DIS3L2: variants seen among roughly 807,000 people sequenced by gnomAD.
The protein encoded by DIS3L2 is DIS3 like 3'-5' exoribonuclease 2, also known as DIS3-like exonuclease 2.
Under a neutral mutation model 97.5 loss-of-function variants are expected in DIS3L2, and 34 were observed. That is an observed-to-expected ratio of 0.35 (90% CI 0.27 to 0.46). The LOEUF (loss-of-function observed/expected upper bound fraction) is 0.46. Ranked by LOEUF, DIS3L2 falls within the 20% of genes least tolerant of loss-of-function variation. The probability of loss-of-function intolerance (pLI) is 1.00; values close to 1 mark genes in which losing one functional copy is unlikely to be tolerated. For missense variants in DIS3L2, 1,038 were observed against 1,146.0 expected, an observed-to-expected ratio of 0.91 and a Z score of 1.36; for synonymous variants, 435 against 445.2, an observed-to-expected ratio of 0.98 and a Z score of 0.29.
intron 1 of DIS3L2, among the ~76,000 whole-genome samples, chr2:231,966,010 GTT>G (rs1392062000): frequency 2.0e-5 from 3 of 152,106 alleles, no homozygotes; most frequent in Non-Finnish European, 4.4e-5. Flanking sequence ...CCTTCAAAAA[GTT>G]TTTGTTTTAC....
At chr2:232,010,669 G>A (rs1416122240) in intron 1 of DIS3L2, among the ~76,000 whole-genome samples, 1 of 151,652 alleles carries the variant, frequency 6.6e-6, no homozygotes, top group Non-Finnish European at 1.5e-5. Flanking sequence ...CATTCCATTT[G>A]CTCTGATACT....
chr2:232,343,297 C>G, intron 13 of DIS3L2: 1 of 1,505,526 alleles, frequency 6.6e-7, no homozygotes, highest in South Asian at 1.3e-5. Context: ...AAGGCCTAGC[C>G]ACATGAAACC....
chr2:231,981,207 G>T (rs889433288), intron 1 of DIS3L2, among the ~76,000 whole-genome samples: 1 of 152,112 alleles, frequency 6.6e-6, no homozygotes, highest in Non-Finnish European at 1.5e-5. Context: ...GCCTCCCAAA[G>T]ATCTGGGATT....
At chr2:232,128,115 G>A (rs1265018345) in intron 6 of DIS3L2, among the ~76,000 whole-genome samples, 8 of 151,734 alleles carry the variant, frequency 5.3e-5, no homozygotes, top group East Asian at 1.9e-4. Context: ...CACACCTGGT[G>A]GATTTTTTTT....
intron 9 of DIS3L2, among the ~76,000 whole-genome samples, chr2:232,197,875 A>C (rs371449808): frequency 6.6e-6 from 1 of 151,538 alleles, no homozygotes. Flanking sequence ...CAGGAGAATC[A>C]CTTGAACCCG....
rs1296109503 is a variant in DIS3L2, at chr2:232,293,405, G to A, written c.1660-6635G>A. On this transcript the variant is annotated intron_variant, in intron 13 of 20. Transcript: ENST00000325385. The surrounding 1 kb of genome is among the most constrained non-coding windows in gnomAD (Gnocchi z 4.6). ...GAAGCCACCCTTGGATTCTCTGGGG[G>A]AAATACCTCTGGCATTCCAGCGAAG... 6.6e-6 allele frequency among the ~76,000 whole-genome samples: 1 copy of A among 152,180 alleles called. No homozygotes were observed. The highest frequency in any genetic ancestry group is 1.5e-5 in the Non-Finnish European group (1 of 68,024).
chr2:232,229,913 C>A (rs1340607582), intron 10 of DIS3L2, among the ~76,000 whole-genome samples: 2 of 152,150 alleles, frequency 1.3e-5, no homozygotes, highest in Non-Finnish European at 2.9e-5. Context: ...CTCTTCAAAT[C>A]CTGACCTTTG....
chr2:232,077,212 G>A (rs528577198), intron 5 of DIS3L2, among the ~76,000 whole-genome samples: 15 of 151,864 alleles, frequency 9.9e-5, no homozygotes, highest in East Asian at 5.8e-4. Flanking sequence ...TCTGTCTTCC[G>A]GAGCATAGGG....
At chr2:232,262,935 C>A (rs2106280532) in intron 12 of DIS3L2, among the ~76,000 whole-genome samples, 1 of 152,308 alleles carries the variant, frequency 6.6e-6, no homozygotes, top group South Asian at 2.1e-4. Context: ...TCCAGCATGC[C>A]TTGCCTGTGC....
At chr2:231,963,044 C>A (rs544673623) in intron 1 of DIS3L2, among the ~76,000 whole-genome samples, 2 of 152,156 alleles carry the variant, frequency 1.3e-5, no homozygotes, top group Non-Finnish European at 2.9e-5. Context: ...CGTGAACATA[C>A]AACTGCATAT....
intron 13 of DIS3L2, chr2:232,343,042 G>A (rs1405071574): frequency 3.7e-6 from 1 of 271,120 alleles, no homozygotes; most frequent in East Asian, 7.4e-5. Context: ...AGGGGCTGCT[G>A]TGTCCACAGC....
At chr2:232,182,187 A>G (rs567146084) in intron 9 of DIS3L2, among the ~76,000 whole-genome samples, 2 of 152,070 alleles carry the variant, frequency 1.3e-5, no homozygotes, top group South Asian at 2.1e-4. Flanking sequence ...TTCTTCTTTG[A>G]CGTATTTTTT....
At position 232,015,634 on chromosome 2, in the gene DIS3L2, A is replaced by T. The variant is rs981586581; in HGVS notation, c.173A>T (p.Asp58Val). ...TTTGAAACTTACATGTCCAAGGAGG[A>T]TGTTTCAGAAGGCTTGAAGAGAGGA... ...SIFETYMSKEDVSEGLKRGTL... is the reference protein window; with the variant it reads ...SIFETYMSKEVVSEGLKRGTL... The change falls in exon 3 of 21, where the codon GAT (aspartate) becomes GTT (valine). Residue 58 changes from aspartate (D) to valine (V), a missense_variant. Asp to Val is a radical substitution (Grantham distance 152). This residue lies in a region of DIS3L2 where 813 missense variants were observed against 880.1 expected (regional missense o/e 0.92). Transcript: ENST00000325385. The T allele has an allele frequency of 2.5e-6, 4 of 1,613,880 alleles. No individual in the cohort carries two copies. Among genetic ancestry groups the T allele is most frequent in the Non-Finnish European group, 3.4e-6 (4 of 1,179,912 alleles).
In DIS3L2 at chr2:232,336,800, A is replaced by C; in HGVS notation, c.*170A>C. ...AACTTTTAAACAAACTGCAGGGGAG[A>C]GGGTGGGGCTGGAAGGAAGGCTGAG... On this transcript the variant is annotated 3_prime_UTR_variant, in exon 21 of 21. Transcript: ENST00000325385. 1 of 1,436,014 alleles carries C rather than the reference A, an allele frequency of 7.0e-7. No individual in the cohort carries two copies. Among genetic ancestry groups the C allele is most frequent in the Non-Finnish European group, 9.1e-7 (1 of 1,101,992 alleles). The allele number at this position is 1,436,014 out of a possible 1,614,324, so 89.0% of individuals were successfully genotyped here.
rs1395323087 is a variant in DIS3L2 at position 232,210,391 on chromosome 2, A to G, written c.1190A>G (p.Lys397Arg). The G allele has an allele frequency of 6.2e-7, 1 of 1,613,494 alleles. No homozygotes were observed. The highest frequency in any genetic ancestry group is 1.1e-5 in the South Asian group (1 of 91,074). Residue 397 changes from lysine to arginine, a missense_variant, in exon 10 of 21, where the codon AAG (lysine) becomes AGG (arginine). Lys to Arg is a conservative substitution (Grantham distance 26, BLOSUM62 2). Transcript: ENST00000325385. The part of the protein sequence containing the change: ...ARDLDDALSC[K>R]PLADGNFKVG... ...GACCTCGATGATGCCCTCTCCTGCA[A>G]GCCACTCGCTGACGGTAGGATGGAA...
intron 1 of DIS3L2, among the ~76,000 whole-genome samples, chr2:232,000,670 C>CTCTTTCTCTCTTTCTG (rs1188984779): frequency 3.4e-5 from 1 of 29,650 alleles, no homozygotes; most frequent in African/African-American, 1.9e-4. Context: ...TTCTCTTTCT[C>CTCTTTCTCTCTTTCTG]TCTTTCTCTC....
At chr2:232,046,037 A>G (rs1438072815) in intron 5 of DIS3L2, among the ~76,000 whole-genome samples, 2 of 152,142 alleles carry the variant, frequency 1.3e-5, no homozygotes, top group Non-Finnish European at 2.9e-5. Context: ...CATTCAAACC[A>G]TATTACCCAG....
rs939034915 is a variant in DIS3L2, at chr2:232,198,961, C to CT, written c.1125-11357dup. 1.1e-4 allele frequency among the ~76,000 whole-genome samples: 17 copies of CT among 152,200 alleles called. No individual in the cohort carries two copies. The Middle Eastern group carries it at 0.014, about 123-fold the overall frequency. On this transcript the variant is annotated intron_variant, in intron 9 of 20. Transcript: ENST00000325385. ...TGCCCCTTACTGTATTCTAATGTTT[C>CT]TTTTTTTTCCTCCATAGCAATGAAT...
chr2:232,334,008 C>A, intron 17 of DIS3L2, 21 bp downstream of exon 17: 1 of 1,598,768 alleles, frequency 6.3e-7, no homozygotes, highest in South Asian at 1.1e-5. Context: ...CAGTCGGGGT[C>A]AGGGCAGACC....
Sources: allele counts gnomAD v4.1 joint callset (sites outside exome capture counted in the v4.1 genomes callset), GRCh38; gene constraint gnomAD v4.1.1; regional missense constraint gnomAD v4.1.1; non-coding constraint Gnocchi (gnomAD v3.1); transcripts MANE v1.5; gene names NCBI Gene and HGNC (gene_info 2026-07-23, HGNC 2026-07-21).